C1QTNF3: variants seen among roughly 807,000 people sequenced by gnomAD.
The protein encoded by C1QTNF3 is complement C1q tumor necrosis factor-related protein 3.
A neutral mutation model predicts 32.6 loss-of-function variants in C1QTNF3; 26 were observed. That is an observed-to-expected ratio of 0.80 (90% CI 0.58 to 1.11). The LOEUF is 1.11. C1QTNF3 is among the 50% of genes least tolerant of loss of function. The pLI is 0.00. For synonymous variants in C1QTNF3, 155 were observed against 146.0 expected, an observed-to-expected ratio of 1.06 and a Z score of -0.44; for missense variants, 362 against 398.2, an observed-to-expected ratio of 0.91 and a Z score of 0.77.
At chr5:34,150,365 C>T in the C1QTNF3 span, among the ~76,000 whole-genome samples, 1 of 102,158 alleles carries the variant, frequency 9.8e-6, no homozygotes, top group South Asian at 3.2e-4. Flanking sequence ...ACCTAATAGA[C>T]ATCTACAGAA....
the C1QTNF3 span, among the ~76,000 whole-genome samples, chr5:34,213,799 A>T: frequency 3.5e-4 from 1 of 2,878 alleles, no homozygotes; most frequent in African/African-American, 5.1e-4. Flanking sequence ...ATATATATAT[A>T]TATATATATA....
chr5:34,238,874 C>T, the C1QTNF3 span, among the ~76,000 whole-genome samples: 40 of 152,082 alleles, frequency 2.6e-4, no homozygotes, highest in African/African-American at 9.2e-4. Flanking sequence ...AAAAAAAAAT[C>T]TTAAAGGCAG....
the C1QTNF3 span, among the ~76,000 whole-genome samples, chr5:34,224,790 A>G: frequency 6.6e-6 from 1 of 152,190 alleles, no homozygotes; most frequent in Non-Finnish European, 1.5e-5. Context: ...ACAAAAGCCA[A>G]AATTGACAAA....
At chr5:34,224,765 C>T in the C1QTNF3 span, among the ~76,000 whole-genome samples, 28 of 152,198 alleles carry the variant, frequency 1.8e-4, no homozygotes, top group African/African-American at 6.5e-4. Context: ...GTCTAAAACA[C>T]CAAAAGCAAT....
the C1QTNF3 span, chr5:34,175,517 C>T: frequency 6.8e-6 from 2 of 296,012 alleles, no homozygotes; most frequent in Non-Finnish European, 1.3e-5. Flanking sequence ...TAATGAGGTC[C>T]AGTGTTTCCT....
chr5:34,155,073 A>G, the C1QTNF3 span, among the ~76,000 whole-genome samples: 1 of 152,228 alleles, frequency 6.6e-6, no homozygotes, highest in African/African-American at 2.4e-5. Flanking sequence ...GAGAATAATT[A>G]AAATGGCTTG....
At chr5:34,024,372 T>C (rs997875558) in intron 4 of C1QTNF3, 1 of 193,596 alleles carries the variant, frequency 5.2e-6, no homozygotes, top group Admixed American at 5.3e-5. Context: ...GTTACCAAGG[T>C]GCAGAGATGT....
At chr5:34,129,739 T>C in the C1QTNF3 span, among the ~76,000 whole-genome samples, 1 of 152,032 alleles carries the variant, frequency 6.6e-6, no homozygotes, top group Non-Finnish European at 1.5e-5. Context: ...TATATAATGA[T>C]ATATAAAGGT....
chr5:34,124,258 T>C, the C1QTNF3 span: 2 of 498,458 alleles, frequency 4.0e-6, no homozygotes, highest in Non-Finnish European at 7.3e-6. Context: ...GGTAAACTTT[T>C]TAGATTTATT....
the C1QTNF3 span, among the ~76,000 whole-genome samples, chr5:34,060,743 G>A: frequency 2.6e-5 from 4 of 152,098 alleles, no homozygotes; most frequent in Non-Finnish European, 5.9e-5. Flanking sequence ...AGAATGGCAT[G>A]GGGAAAACCT....
chr5:34,107,472 C>G, the C1QTNF3 span, among the ~76,000 whole-genome samples: 1 of 151,892 alleles, frequency 6.6e-6, no homozygotes, highest in Non-Finnish European at 1.5e-5. Context: ...ATGACAATAA[C>G]TGTCATCAAC....
chr5:34,101,011 T>C, the C1QTNF3 span, among the ~76,000 whole-genome samples: 8 of 151,740 alleles, frequency 5.3e-5, no homozygotes, highest in African/African-American at 1.9e-4. Flanking sequence ...TCACTTTCAA[T>C]TTTCATAAAA....
At chr5:34,197,172 G>T in the C1QTNF3 span, among the ~76,000 whole-genome samples, 1 of 152,306 alleles carries the variant, frequency 6.6e-6, no homozygotes, top group Non-Finnish European at 1.5e-5. Flanking sequence ...CCTAATGAAA[G>T]CTATAAAAGT....
upstream of C1QTNF3, chr5:34,043,563 G>A: frequency 6.0e-6 from 1 of 165,552 alleles, no homozygotes; most frequent in Admixed American, 6.0e-5. Context: ...GGAAATTCAG[G>A]CTTAACTGCA....
At chr5:34,024,090 T>G (rs1404268566) in intron 4 of C1QTNF3, 82 bp from the exon 5 acceptor site, 9 of 961,364 alleles carry the variant, frequency 9.4e-6, no homozygotes, top group Non-Finnish European at 1.5e-5. Context: ...ATTTGCCAAC[T>G]GCCTTCACAT....
intron 4 of C1QTNF3, among the ~76,000 whole-genome samples, chr5:34,026,706 A>G (rs1754470031): frequency 6.6e-6 from 1 of 152,140 alleles, no homozygotes; most frequent in Non-Finnish European, 1.5e-5. Flanking sequence ...TCCTTTCTTC[A>G]CCAAGAAACT....
At chr5:34,033,099 CTCCT>C in intron 3 of C1QTNF3, 1 of 513,422 alleles carries the variant, frequency 1.9e-6, no homozygotes, top group East Asian at 3.5e-5. Context: ...ATAAATGTCT[CTCCT>C]CCCTAAGAAT....
At chr5:34,093,805 ACT>A in the C1QTNF3 span, among the ~76,000 whole-genome samples, 2 of 151,712 alleles carry the variant, frequency 1.3e-5, no homozygotes, top group Non-Finnish European at 2.9e-5. Flanking sequence ...ATCATCACAC[ACT>A]CTGTATTCTG....
At chr5:34,153,855 A>AT in the C1QTNF3 span, among the ~76,000 whole-genome samples, 10,855 of 119,318 alleles carry the variant, frequency 0.091, 601 homozygotes, top group African/African-American at 0.23. Flanking sequence ...TTAGAGTATA[A>AT]AAAAAAAAAA....
Sources: gnomAD v4.1 joint callset for allele counts (sites outside exome capture counted in the v4.1 genomes callset) on GRCh38, gnomAD v4.1.1 for gene constraint, MANE v1.5 for transcripts, NCBI Gene and HGNC (gene_info 2026-07-23, HGNC 2026-07-21) for gene names.